PIK3AP1: variants seen among roughly 807,000 people sequenced by gnomAD.
PIK3AP1 encodes phosphoinositide 3-kinase adapter protein 1.
In PIK3AP1, 21 loss-of-function variants were observed where a neutral mutation model predicts 88.1. The ratio of observed to expected loss-of-function variants is 0.24; its 90% CI spans 0.17 to 0.34. The LOEUF is 0.34. Ranked by LOEUF, PIK3AP1 falls within the 10% of genes least tolerant of loss-of-function variation. PIK3AP1 has a pLI of 1.00. For missense variants in PIK3AP1, 828 were observed against 1,035.7 expected (o/e 0.80, Z 2.75); for synonymous variants, 398 against 400.0 (o/e 1.00, Z 0.06).
intron 10 of PIK3AP1, among the ~76,000 whole-genome samples, chr10:96,625,605 T>C (rs1843145314): frequency 6.6e-6 from 1 of 152,192 alleles, no homozygotes; most frequent in African/African-American, 2.4e-5. Context: ...ATCCTGCATT[T>C]TATCTGGTAA....
intron 2 of PIK3AP1, among the ~76,000 whole-genome samples, chr10:96,661,727 A>G (rs2134243715): frequency 6.6e-6 from 1 of 152,242 alleles, no homozygotes; most frequent in East Asian, 1.9e-4. Context: ...TGGAGGTTGC[A>G]GATTGTGCCA....
chr10:96,614,251 C>G (rs182786930), intron 13 of PIK3AP1, among the ~76,000 whole-genome samples: 14 of 152,194 alleles, frequency 9.2e-5, no homozygotes, highest in Non-Finnish European at 1.9e-4. Flanking sequence ...TTGATGCTGT[C>G]TGTATTTAAA....
intron 1 of PIK3AP1, among the ~76,000 whole-genome samples, chr10:96,710,695 C>T (rs1298570496): frequency 6.6e-6 from 1 of 152,162 alleles, no homozygotes; most frequent in Non-Finnish European, 1.5e-5. Flanking sequence ...CTTCCAAGCA[C>T]ATTGCCTACT....
chr10:96,702,019 G>C (rs947867565), intron 2 of PIK3AP1, among the ~76,000 whole-genome samples: 5 of 152,240 alleles, frequency 3.3e-5, no homozygotes, highest in African/African-American at 9.6e-5. Context: ...GATGAACCTG[G>C]AGGACATTAT....
At chr10:96,662,509 A>G (rs1481841872) in intron 2 of PIK3AP1, among the ~76,000 whole-genome samples, 12 of 152,002 alleles carry the variant, frequency 7.9e-5, no homozygotes, top group Admixed American at 7.9e-4. Context: ...AGGCTGAGGC[A>G]GGAGAATTGC....
At chr10:96,700,412 G>A (rs560490011) in intron 2 of PIK3AP1, among the ~76,000 whole-genome samples, 19 of 152,310 alleles carry the variant, frequency 1.2e-4, no homozygotes, top group African/African-American at 3.8e-4. Flanking sequence ...CCCACAGTTA[G>A]GAGTGTGAAC....
chr10:96,687,280 A>AG (rs1554961645), intron 2 of PIK3AP1, among the ~76,000 whole-genome samples: 33 of 121,556 alleles, frequency 2.7e-4, no homozygotes, highest in African/African-American at 4.9e-4. Flanking sequence ...AAAAAAAAAA[A>AG]AAAAAGAAAA....
rs532766518 is a variant in PIK3AP1 at position 96,696,264 on chromosome 10, T to C, written c.430+13303A>G. Among the ~76,000 whole-genome samples, 3 of 152,350 alleles carry C rather than the reference T, an allele frequency of 2.0e-5. No individual in the cohort carries two copies. In the East Asian group the frequency reaches 5.8e-4, roughly 29 times the overall value. ...GAAAATTTTAAAAGTCCCCAAGTTT[T>C]TCCCCACAGAACAGGCAATTTTGAT... On this transcript the variant is annotated intron_variant, in intron 2 of 16. Coordinates refer to ENST00000339364, the MANE Select transcript of PIK3AP1 (RefSeq NM_152309.3).
chr10:96,638,037 C>T (rs906619041), intron 8 of PIK3AP1, among the ~76,000 whole-genome samples: 3 of 152,080 alleles, frequency 2.0e-5, no homozygotes, highest in East Asian at 1.9e-4. Flanking sequence ...GATGCTGGAA[C>T]GAGTTAAGAG....
At chr10:96,595,659 T>A in intron 16 of PIK3AP1, 25 bp from the exon 17 acceptor site, 1 of 1,609,842 alleles carries the variant, frequency 6.2e-7, no homozygotes, top group Non-Finnish European at 8.5e-7. Flanking sequence ...AAGGCAACTC[T>A]ATTTAAAAAC....
intron 2 of PIK3AP1, among the ~76,000 whole-genome samples, chr10:96,675,404 G>A (rs929580409): frequency 2.0e-5 from 3 of 152,146 alleles, no homozygotes; most frequent in Non-Finnish European, 4.4e-5. Context: ...TGCGTCTTCC[G>A]GAAATGGGCC....
At chr10:96,710,927 C>T (rs1338394712) in intron 1 of PIK3AP1, among the ~76,000 whole-genome samples, 2 of 152,164 alleles carry the variant, frequency 1.3e-5, no homozygotes, top group Non-Finnish European at 2.9e-5. Context: ...TGTCATCATC[C>T]TCACATGAAT....
intron 3 of PIK3AP1, among the ~76,000 whole-genome samples, chr10:96,653,763 C>G (rs900498334): frequency 6.6e-6 from 1 of 152,156 alleles, no homozygotes; most frequent in Admixed American, 6.5e-5. Flanking sequence ...GCTGGGATTA[C>G]AGGCGTGAAC....
intron 2 of PIK3AP1, among the ~76,000 whole-genome samples, chr10:96,705,028 T>G (rs1290735704): frequency 6.6e-6 from 1 of 152,228 alleles, no homozygotes; most frequent in African/African-American, 2.4e-5. Flanking sequence ...GAATATCTCA[T>G]TAAATAGTCC....
intron 8 of PIK3AP1, among the ~76,000 whole-genome samples, chr10:96,628,881 T>TACACACAC (rs150595125): frequency 3.4e-5 from 3 of 88,750 alleles, no homozygotes; most frequent in East Asian, 3.2e-4. Context: ...TACACATATA[T>TACACACAC]ATATATACAT....
At chr10:96,608,720 A>G (rs920682488) in intron 14 of PIK3AP1, among the ~76,000 whole-genome samples, 2 of 152,198 alleles carry the variant, frequency 1.3e-5, no homozygotes, top group Non-Finnish European at 2.9e-5. Flanking sequence ...GGACACAGCC[A>G]AAGTATGTAT....
chr10:96,640,994 A>C (rs1056848476), intron 8 of PIK3AP1, among the ~76,000 whole-genome samples: 30 of 152,068 alleles, frequency 2.0e-4, no homozygotes, highest in Admixed American at 5.2e-4. Flanking sequence ...AAAATTCTTA[A>C]GAGAATTGGG....
chr10:96,614,035 C>T (rs1038877847), intron 13 of PIK3AP1, among the ~76,000 whole-genome samples: 7 of 152,130 alleles, frequency 4.6e-5, no homozygotes, highest in Non-Finnish European at 7.4e-5. Context: ...CAGAGTCCAT[C>T]CCTGTACCCC....
At chr10:96,638,308 A>G (rs1298282148) in intron 8 of PIK3AP1, among the ~76,000 whole-genome samples, 1 of 152,122 alleles carries the variant, frequency 6.6e-6, no homozygotes, top group Non-Finnish European at 1.5e-5. Context: ...ACTTTCCACA[A>G]TGTTATGATG....
Sources: gnomAD v4.1 joint callset for allele counts (sites outside exome capture counted in the v4.1 genomes callset) on GRCh38, gnomAD v4.1.1 for gene constraint, MANE v1.5 for transcripts, NCBI Gene and HGNC (gene_info 2026-07-23, HGNC 2026-07-21) for gene names.